The following TBX20 variants were observed in gnomAD, a reference collection of about 807,000 sequenced individuals.
The protein encoded by TBX20 is T-box transcription factor TBX20.
A neutral mutation model predicts 42.9 loss-of-function variants in TBX20; 8 were observed. The ratio of observed to expected loss-of-function variants is 0.19; its 90% CI spans 0.11 to 0.34. TBX20 has a LOEUF of 0.34. Ranked by LOEUF, TBX20 falls within the 10% of genes least tolerant of loss-of-function variation. TBX20 has a pLI of 1.00. For synonymous variants in TBX20, 198 were observed against 222.8 expected, an observed-to-expected ratio of 0.89 and a Z score of 0.99; for missense variants, 411 against 566.0, an observed-to-expected ratio of 0.73 and a Z score of 2.78.
chr7:35,240,757 A>G, intron 5 of TBX20, 122 bp downstream of exon 5: 1 of 893,248 alleles, frequency 1.1e-6, no homozygotes, highest in Non-Finnish European at 1.8e-6. Context: ...CTGAAACTCA[A>G]TAGCTCTCTG....
At chr7:35,229,164 A>T (rs1221868609) in intron 6 of TBX20, among the ~76,000 whole-genome samples, 1 of 152,156 alleles carries the variant, frequency 6.6e-6, no homozygotes, top group African/African-American at 2.4e-5. Flanking sequence ...TATTTATAAC[A>T]TCATATTCAA....
intron 1 of TBX20, among the ~76,000 whole-genome samples, chr7:35,252,217 T>C (rs574203846): frequency 6.6e-6 from 1 of 152,188 alleles, no homozygotes; most frequent in Non-Finnish European, 1.5e-5. Flanking sequence ...CAGCAATGTA[T>C]AATGTTGAGA....
Position 35,250,141 on chromosome 7 carries a change from G to T in TBX20, c.190C>A (p.His64Asn), listed in dbSNP as rs1284014948. 2 of 1,614,006 alleles carry T rather than the reference G, an allele frequency of 1.2e-6. No individual in the cohort carries two copies. Among genetic ancestry groups the T allele is most frequent in the Non-Finnish European group, 1.7e-6 (2 of 1,179,992 alleles). ...PLGELTSLDAHGEFGGGSGSS... is the reference protein window; with the variant it reads ...PLGELTSLDANGEFGGGSGSS... ...CCACTGCCTCCACCAAACTCCCCAT[G>T]AGCATCCAGGCTGGTCAGCTCACCC... The change falls in exon 2 of 8, where the codon CAT becomes AAT. Residue 64 changes from histidine to asparagine, a missense_variant. Physicochemically the swap from His to Asn is moderately conservative, Grantham distance 68. This residue lies in a region of TBX20 where 114 missense variants were observed against 128.0 expected (regional missense o/e 0.89). Transcript: ENST00000408931.
chr7:35,209,975 T>A (rs1362401185), intron 6 of TBX20, among the ~76,000 whole-genome samples: 2 of 152,228 alleles, frequency 1.3e-5, no homozygotes, highest in African/African-American at 4.8e-5. Flanking sequence ...TATCTTCCTG[T>A]TATTTTCTCT....
chr7:35,203,957 C>A (rs562294561), intron 7 of TBX20, among the ~76,000 whole-genome samples: 2 of 152,238 alleles, frequency 1.3e-5, no homozygotes, highest in African/African-American at 4.8e-5. Flanking sequence ...AACAGAGAAA[C>A]TTTGTTCAGT....
chr7:35,230,333 T>C (rs749702098), intron 6 of TBX20, among the ~76,000 whole-genome samples: 37 of 152,190 alleles, frequency 2.4e-4, no homozygotes, highest in Non-Finnish European at 5.0e-4. Flanking sequence ...GACTTTGCAA[T>C]GGATTTTCAA....
chr7:35,204,392 T>A, intron 7 of TBX20, 78 bp downstream of exon 7: 2 of 912,418 alleles, frequency 2.2e-6, no homozygotes, highest in Non-Finnish European at 1.8e-6. Flanking sequence ...GGACTGGCCA[T>A]CTCATCAACG....
intron 6 of TBX20, among the ~76,000 whole-genome samples, chr7:35,218,593 T>A (rs1158902587): frequency 2.0e-5 from 3 of 152,220 alleles, no homozygotes; most frequent in Non-Finnish European, 4.4e-5. Flanking sequence ...ATTTTTTTAA[T>A]ATGTGAGAAA....
chr7:35,213,155 C>T (rs1373575607), intron 6 of TBX20, among the ~76,000 whole-genome samples: 1 of 152,192 alleles, frequency 6.6e-6, no homozygotes, highest in Non-Finnish European at 1.5e-5. Context: ...TGCCTGATAT[C>T]CAGTGTCATA....
At chr7:35,214,032 G>C (rs1468988527) in intron 6 of TBX20, among the ~76,000 whole-genome samples, 23 of 151,946 alleles carry the variant, frequency 1.5e-4, no homozygotes, top group Admixed American at 1.5e-3. Flanking sequence ...AAATAAAACA[G>C]AGAATAACAA....
chr7:35,216,956 ATATAT>A (rs1228058603), intron 6 of TBX20, among the ~76,000 whole-genome samples: 11 of 152,182 alleles, frequency 7.2e-5, no homozygotes, highest in African/African-American at 2.7e-4. Context: ...ATTGATACAG[ATATAT>A]TATAAATTAC....
intron 6 of TBX20, among the ~76,000 whole-genome samples, chr7:35,230,428 T>C (rs1789847105): frequency 6.6e-6 from 1 of 152,120 alleles, no homozygotes; most frequent in Admixed American, 6.5e-5. Flanking sequence ...TCTTTTCTGC[T>C]CAAATCCCAT....
intron 1 of TBX20, among the ~76,000 whole-genome samples, chr7:35,250,788 C>A (rs1174272686): frequency 1.3e-5 from 2 of 152,208 alleles, no homozygotes; most frequent in Non-Finnish European, 2.9e-5. Context: ...ACCTCTGTGC[C>A]TGACTTTCAG....
chr7:35,205,551 T>C (rs1016300540), intron 6 of TBX20, among the ~76,000 whole-genome samples: 2 of 152,228 alleles, frequency 1.3e-5, no homozygotes, highest in African/African-American at 4.8e-5. Flanking sequence ...ACATTTCATA[T>C]TGAGGGAATA....
rs552052519 is a variant in TBX20 at position 35,234,955 on chromosome 7, A to G, written c.814-3375T>C. On this transcript the variant is annotated intron_variant, in intron 5 of 7. Coordinates refer to ENST00000408931, the MANE Select transcript of TBX20 (RefSeq NM_001077653.2). ...ACCATGTTCCTTGTAGCCCACTGTC[A>G]CTAGACTCTGAATCTACTAGGGTGT... 2.8e-4 allele frequency among the ~76,000 whole-genome samples: 43 copies of G among 152,260 alleles called. No homozygotes were observed. The East Asian group carries it at 7.3e-3, about 26-fold the overall frequency.
intron 6 of TBX20, among the ~76,000 whole-genome samples, chr7:35,208,742 CAAAAAAAAAAAAAAAAAAAAAAAA>C (rs766060288): frequency 5.7e-4 from 12 of 21,130 alleles, no homozygotes; most frequent in African/African-American, 9.2e-4. Flanking sequence ...AACTCCGTCT[CAAAAAAAAAAAAAAAAAAAAAAAA>C]AAAAAAAAAA....
intron 3 of TBX20, among the ~76,000 whole-genome samples, chr7:35,247,125 T>A (rs1790205000): frequency 7.8e-6 from 1 of 127,434 alleles, no homozygotes; most frequent in Non-Finnish European, 1.6e-5. Flanking sequence ...AATGTATGTT[T>A]AATAAGAGTG....
In TBX20 at chr7:35,253,709, T is replaced by C; in HGVS notation, c.-89A>G. Reference sequence around the variant, plus strand: ...GGGAGACAAAGACCCGAAACACAGCTCAAAGTTTCCGAGAGCAGTCACAGC... The same window carrying C: ...GGGAGACAAAGACCCGAAACACAGCCCAAAGTTTCCGAGAGCAGTCACAGC... On this transcript the variant is annotated 5_prime_UTR_variant, in exon 1 of 8. Coordinates refer to ENST00000408931, the MANE Select transcript of TBX20 (RefSeq NM_001077653.2). 1 of 1,534,050 alleles carries C rather than the reference T, an allele frequency of 6.5e-7. No individual in the cohort carries two copies. Among genetic ancestry groups the C allele is most frequent in the Non-Finnish European group, 8.8e-7 (1 of 1,142,464 alleles).
Position 35,250,223 on chromosome 7 carries a change from T to C in TBX20, c.128-20A>G. The C allele has an allele frequency of 6.2e-7, 1 of 1,613,764 alleles. No homozygotes were observed. The highest frequency in any genetic ancestry group is 8.5e-7 in the Non-Finnish European group (1 of 1,179,958). On this transcript the variant is annotated intron_variant, in intron 1 of 7. Transcript: ENST00000408931. ...ATTGCTCTGGAGGTAAAGAGAATTG[T>C]GAATGACAGCTGACACTGTTCAACA...
Sources: gnomAD v4.1 joint callset for allele counts (sites outside exome capture counted in the v4.1 genomes callset) on GRCh38, gnomAD v4.1.1 for gene constraint, gnomAD v4.1.1 regional missense constraint, MANE v1.5 for transcripts, NCBI Gene and HGNC (gene_info 2026-07-23, HGNC 2026-07-21) for gene names.